The following HCK variants were observed in gnomAD, a reference collection of about 807,000 sequenced individuals.
HCK encodes tyrosine-protein kinase HCK.
HCK carries 40 observed loss-of-function variants against 70.4 expected under a neutral mutation model. The observed-to-expected ratio is 0.57, with a 90% CI of 0.44 to 0.74. HCK has a LOEUF of 0.74. HCK is among the 30% of genes least tolerant of loss of function. HCK has a pLI of 0.00. For synonymous variants in HCK, 245 were observed against 263.2 expected (o/e 0.93, Z 0.67); for missense variants, 568 against 697.2 (o/e 0.81, Z 2.09).
intron 8 of HCK, among the ~76,000 whole-genome samples, chr20:32,086,221 G>A (rs368660132): frequency 7.2e-5 from 11 of 152,088 alleles, no homozygotes; most frequent in East Asian, 3.9e-4. Context: ...GGGTTTCACC[G>A]TGTTAGCCAG....
At position 32,101,465 on chromosome 20, in the gene HCK, T is replaced by C. The variant is rs2046034031; in HGVS notation, c.1527T>C (p.Ser509=). The C allele has an allele frequency of 6.2e-7, 1 of 1,613,388 alleles. No homozygotes were observed. Among genetic ancestry groups the C allele is most frequent in the South Asian group, 1.1e-5 (1 of 90,998 alleles). The change falls in exon 13 of 13, where the codon AGT becomes AGC. Residue 509 remains serine (S), a synonymous_variant. Transcript: ENST00000375852. Reference sequence around the variant, plus strand: ...GGCCGACCTTCGAATACATCCAGAGTGTGCTGGATGACTTCTACACGGCCA... The same window carrying C: ...GGCCGACCTTCGAATACATCCAGAGCGTGCTGGATGACTTCTACACGGCCA...
At chr20:32,058,663 C>A (rs541069595) in intron 1 of HCK, among the ~76,000 whole-genome samples, 6 of 149,644 alleles carry the variant, frequency 4.0e-5, no homozygotes, top group Non-Finnish European at 8.9e-5. Context: ...TCCATCATGG[C>A]GTATATGTCT....
chr20:32,075,941 T>C (rs1255109044), intron 5 of HCK, among the ~76,000 whole-genome samples: 2 of 152,224 alleles, frequency 1.3e-5, no homozygotes, highest in African/African-American at 2.4e-5. Flanking sequence ...TTGTCTCTTC[T>C]GCCTCCTCTT....
At chr20:32,090,920 G>A (rs1177669084) in intron 10 of HCK, among the ~76,000 whole-genome samples, 1 of 152,152 alleles carries the variant, frequency 6.6e-6, no homozygotes, top group Non-Finnish European at 1.5e-5. Context: ...TGGGAGCACT[G>A]GGAGCCACTC....
chr20:32,076,120 C>T (rs2045621062), intron 5 of HCK, among the ~76,000 whole-genome samples: 1 of 152,040 alleles, frequency 6.6e-6, no homozygotes, highest in East Asian at 1.9e-4. Context: ...GTCAGGAGTT[C>T]GAGACCAGCC....
chr20:32,063,890 T>G (rs2045415900), intron 1 of HCK, among the ~76,000 whole-genome samples: 1 of 151,650 alleles, frequency 6.6e-6, no homozygotes, highest in African/African-American at 2.4e-5. Flanking sequence ...TGCATTTCTC[T>G]ATTTCTTGGG....
chr20:32,073,036 G>A (rs2045566119), intron 2 of HCK, among the ~76,000 whole-genome samples: 1 of 151,730 alleles, frequency 6.6e-6, no homozygotes, highest in South Asian at 2.1e-4. Flanking sequence ...AGAGGTGGAG[G>A]TTTCGGTGAG....
chr20:32,101,658 A>G lies in HCK; in HGVS notation c.*139A>G. The G allele has an allele frequency of 6.2e-6, 4 of 643,308 alleles. No individual in the cohort carries two copies. The South Asian group carries it at 6.4e-5, about 10-fold the overall frequency. 39.8% of individuals were successfully genotyped at this position (643,308 alleles called of 1,614,324 possible). A position where few individuals can be genotyped will look rare whatever the true frequency, so the allele number is the denominator to read the frequency against. On this transcript the variant is annotated 3_prime_UTR_variant, in exon 13 of 13. Coordinates refer to ENST00000375852, the MANE Select transcript of HCK (RefSeq NM_002110.5). ...TCAGCCACAGTTTCCTCATCTGTCC[A>G]GTGGGTAGGTTGGACTGGAAAATCT... is the stretch of plus-strand genomic sequence containing the variant.
rs752678082 is a variant in HCK at position 32,084,399 on chromosome 20, G to A, written c.691G>A (p.Asp231Asn). ...CAGGGACTCTGTTCCAGAGGGGAAC[G>A]ACGGGCTCTGCCAGAAACTGTCGGT... Residue 231 changes from aspartate to asparagine, a missense_variant, in exon 8 of 13, where the codon GAC becomes AAC. Physicochemically the swap from Asp to Asn is conservative, Grantham distance 23. Around this residue, in one of 4 missense-constraint regions of HCK, gnomAD observed 318 missense variants for 336.0 expected, o/e 0.95. Coordinates refer to ENST00000375852, the MANE Select transcript of HCK (RefSeq NM_002110.5). 4.6e-5 allele frequency: 75 copies of A among 1,612,996 alleles called. No individual in the cohort carries two copies. In the Admixed American group the frequency reaches 8.0e-4, roughly 17 times the overall value.
At chr20:32,087,896 C>G (rs1037718630) in intron 9 of HCK, among the ~76,000 whole-genome samples, 1 of 152,116 alleles carries the variant, frequency 6.6e-6, no homozygotes, top group Non-Finnish European at 1.5e-5. Flanking sequence ...CCCGCCTCAG[C>G]CTCCCACCAT....
Position 32,101,309 on chromosome 20 carries a change from C to T in HCK, c.1379-8C>T. 6.2e-7 allele frequency: 1 copy of T among 1,613,356 alleles called. No individual in the cohort carries two copies. Among genetic ancestry groups the T allele is most frequent in the East Asian group, 2.2e-5 (1 of 44,878 alleles). Reference sequence around the variant, plus strand: ...GCTTCCGTTTCTAATTCCACGGCTCCTTTTCAGGGATGTCAAACCCTGAAG... The same window carrying T: ...GCTTCCGTTTCTAATTCCACGGCTCTTTTTCAGGGATGTCAAACCCTGAAG... On this transcript the variant is annotated splice_polypyrimidine_tract_variant and splice_region_variant and intron_variant, in intron 12 of 12. Transcript: ENST00000375852.
At chr20:32,094,765 GAA>G (rs2045920302) in intron 11 of HCK, among the ~76,000 whole-genome samples, 40 of 115,506 alleles carry the variant, frequency 3.5e-4, no homozygotes, top group Non-Finnish European at 5.4e-4. Flanking sequence ...AAGAAAGAAG[GAA>G]AGAAAGAAAG....
intron 12 of HCK, among the ~76,000 whole-genome samples, chr20:32,100,302 G>A (rs1458887559): frequency 6.6e-6 from 1 of 152,316 alleles, no homozygotes; most frequent in East Asian, 1.9e-4. Flanking sequence ...AGAGTGAATG[G>A]GAGGGAAAGG....
intron 1 of HCK, among the ~76,000 whole-genome samples, chr20:32,057,940 T>C (rs554816076): frequency 6.6e-6 from 1 of 152,292 alleles, no homozygotes; most frequent in South Asian, 2.1e-4. Flanking sequence ...TGGCCCCGGC[T>C]GTGGTCCCAC....
intron 1 of HCK, among the ~76,000 whole-genome samples, chr20:32,054,578 G>A (rs1177035160): frequency 6.7e-6 from 1 of 148,632 alleles, no homozygotes; most frequent in Non-Finnish European, 1.5e-5. Flanking sequence ...AGGCTGAGCC[G>A]GGCGGATCAC....
chr20:32,086,933 A>G (rs1568999007), intron 9 of HCK, 126 bp downstream of exon 9: 1 of 798,010 alleles, frequency 1.3e-6, no homozygotes, highest in South Asian at 1.9e-5. Flanking sequence ...TCTTCCAACA[A>G]GTACTCATTG....
At chr20:32,062,404 C>G (rs984444360) in intron 1 of HCK, among the ~76,000 whole-genome samples, 7 of 152,168 alleles carry the variant, frequency 4.6e-5, no homozygotes, top group African/African-American at 1.7e-4. Context: ...CTCTGGAATT[C>G]TGAAATTGAC....
At position 32,087,455 on chromosome 20, in the gene HCK, T is replaced by A. The variant is rs141447152; in HGVS notation, c.1015+648T>A. Among the ~76,000 whole-genome samples the A allele has an allele frequency of 4.7e-3, 708 of 151,558 alleles. 7 individuals are homozygous for A. The highest frequency in any genetic ancestry group is 0.016 in the African/African-American group (650 of 41,266). On this transcript the variant is annotated intron_variant, in intron 9 of 12. Transcript: ENST00000375852. ...GCCCATGCCACCACACTCAGCTAAT[T>A]TTATTTATTTATTTACATATTTATT...
At chr20:32,085,750 G>A (rs1161994936) in intron 8 of HCK, among the ~76,000 whole-genome samples, 1 of 152,094 alleles carries the variant, frequency 6.6e-6, no homozygotes, top group Admixed American at 6.5e-5. Context: ...GGTGAGGGGA[G>A]GGAACAGCAT....
Sources: allele counts gnomAD v4.1 joint callset (sites outside exome capture counted in the v4.1 genomes callset), GRCh38; gene constraint gnomAD v4.1.1; regional missense constraint gnomAD v4.1.1; transcripts MANE v1.5; gene names NCBI Gene and HGNC (gene_info 2026-07-23, HGNC 2026-07-21).